Variants in UGT2B15 observed in about 807,000 individuals in gnomAD.
The protein encoded by UGT2B15 is UDP glucuronosyltransferase family 2 member B15, also known as UDP-glucuronosyltransferase 2B15.
In UGT2B15, 36 loss-of-function variants were observed where a neutral mutation model predicts 45.9. That is an observed-to-expected ratio of 0.78 (90% confidence interval 0.60 to 1.04). The LOEUF (loss-of-function observed/expected upper bound fraction) is 1.04, where lower values mean the gene tolerates loss of function less well. UGT2B15 is among the 50% of genes least tolerant of loss of function. The pLI is 0.00. For missense variants in UGT2B15, 617 were observed against 622.4 expected, an observed-to-expected ratio of 0.99 and a Z score of 0.09; for synonymous variants, 219 against 216.4, an observed-to-expected ratio of 1.01 and a Z score of -0.11.
intron 5 of UGT2B15, 115 bp downstream of exon 5, chr4:68,653,922 G>C: frequency 2.2e-6 from 3 of 1,376,446 alleles, no homozygotes; most frequent in Non-Finnish European, 3.0e-6. Flanking sequence ...TTTTACATTG[G>C]TTAAATCACT....
chr4:68,657,271 T>C (rs1205664813), intron 3 of UGT2B15, among the ~76,000 whole-genome samples: 3 of 152,108 alleles, frequency 2.0e-5, no homozygotes, highest in Non-Finnish European at 4.4e-5. Context: ...GGAGTGGCCC[T>C]GCAGGGAAAT....
chr4:68,650,991 T>C (rs1243249787), intron 5 of UGT2B15, among the ~76,000 whole-genome samples: 3 of 73,784 alleles, frequency 4.1e-5, no homozygotes, highest in Non-Finnish European at 9.1e-5. Context: ...TTTTTGATGG[T>C]GTTGTTTTTT....
intron 2 of UGT2B15, among the ~76,000 whole-genome samples, chr4:68,664,799 T>C (rs1329111441): frequency 6.6e-6 from 1 of 151,976 alleles, no homozygotes; most frequent in Non-Finnish European, 1.5e-5. Context: ...CTCCTGACCT[T>C]GTGATCCACC....
chr4:68,655,591 A>C (rs961722567), intron 3 of UGT2B15, among the ~76,000 whole-genome samples: 2 of 152,064 alleles, frequency 1.3e-5, no homozygotes, highest in Admixed American at 6.6e-5. Context: ...TCGAGAGGCT[A>C]ATCAGAAACT....
At chr4:68,664,727 T>C (rs1199082513) in intron 2 of UGT2B15, among the ~76,000 whole-genome samples, 1 of 151,952 alleles carries the variant, frequency 6.6e-6, no homozygotes, top group African/African-American at 2.4e-5. Context: ...CCACCACGCC[T>C]GGCTAATTTT....
intron 5 of UGT2B15, among the ~76,000 whole-genome samples, chr4:68,652,092 C>T (rs1732672747): frequency 6.6e-6 from 1 of 151,990 alleles, no homozygotes; most frequent in Non-Finnish European, 1.5e-5. Context: ...CCTTCACATC[C>T]CTTGTTAGGC....
In UGT2B15 at chr4:68,646,598, A is replaced by G. The variant is rs1217991245; in HGVS notation, c.*506T>C. ...ATAATAAATATCAATATAAGCCCAT[A>G]AGGTTTTATATTATTTTTATTTTTC... On this transcript the variant is annotated 3_prime_UTR_variant, in exon 6 of 6. Coordinates refer to ENST00000338206, the MANE Select transcript of UGT2B15 (RefSeq NM_001076.4). The G allele has an allele frequency of 6.6e-6, 1 of 152,638 alleles. No individual in the cohort carries two copies. The highest frequency in any genetic ancestry group is 1.5e-5 in the Non-Finnish European group (1 of 68,556). The allele number at this position is 152,638 out of a possible 1,614,324, so 9.5% of individuals were successfully genotyped here.
At chr4:68,669,217 C>A (rs181600959) in intron 1 of UGT2B15, among the ~76,000 whole-genome samples, 1 of 152,090 alleles carries the variant, frequency 6.6e-6, no homozygotes, top group Non-Finnish European at 1.5e-5. Context: ...ATGTGCTCTC[C>A]CTTAATTTGG....
At chr4:68,654,970 G>T in intron 4 of UGT2B15, 125 bp downstream of exon 4, 2 of 1,225,168 alleles carry the variant, frequency 1.6e-6, no homozygotes, top group Non-Finnish European at 2.3e-6. Flanking sequence ...ATATAAAGTA[G>T]TTAAATTTGA....
chr4:68,663,190 A>G, intron 2 of UGT2B15, 51 bp from the exon 3 acceptor site: 2 of 1,568,644 alleles, frequency 1.3e-6, no homozygotes, highest in Non-Finnish European at 1.7e-6. Flanking sequence ...CACAGAAAAC[A>G]CTATTGACAG....
chr4:68,663,188 A>G, intron 2 of UGT2B15, 49 bp from the exon 3 acceptor site: 1 of 1,568,580 alleles, frequency 6.4e-7, no homozygotes, highest in Non-Finnish European at 8.6e-7. Context: ...AGCACAGAAA[A>G]CACTATTGAC....
rs1732486753 is a variant in UGT2B15 at position 68,646,825 on chromosome 4, G to A, written c.*279C>T. 8.0e-6 allele frequency: 3 copies of A among 375,594 alleles called. No individual in the cohort carries two copies. The highest frequency in any genetic ancestry group is 1.4e-5 in the Non-Finnish European group (3 of 208,866). 23.3% of individuals were successfully genotyped at this position (375,594 alleles called of 1,614,324 possible). A position where few individuals can be genotyped will look rare whatever the true frequency, so the allele number is the denominator to read the frequency against. Reference sequence around the variant, plus strand: ...TACATATGTATACATGTGCCATGTTGGCGTGCTGCATCCAGTAACTCGTCA... The same window carrying A: ...TACATATGTATACATGTGCCATGTTAGCGTGCTGCATCCAGTAACTCGTCA... On this transcript the variant is annotated 3_prime_UTR_variant, in exon 6 of 6. Transcript: ENST00000338206.
At chr4:68,664,415 C>T (rs1404178394) in intron 2 of UGT2B15, among the ~76,000 whole-genome samples, 1 of 151,912 alleles carries the variant, frequency 6.6e-6, no homozygotes, top group East Asian at 1.9e-4. Context: ...AATGACCAAC[C>T]CCTTCTGTCA....
intron 2 of UGT2B15, 97 bp downstream of exon 2, chr4:68,667,943 T>C: frequency 6.5e-7 from 1 of 1,533,420 alleles, no homozygotes; most frequent in East Asian, 2.3e-5. Flanking sequence ...TGACCTCCCA[T>C]ATTCCCCTCA....
chr4:68,668,067 G>T lies in UGT2B15; in HGVS notation c.846C>A (p.His282Gln), dbSNP rs144685938. Residue 282 changes from histidine to glutamine, a missense_variant, in exon 2 of 6, where the codon CAC becomes CAA. This residue lies in a region of UGT2B15 where 351 missense variants were observed against 342.1 expected (regional missense o/e 1.03). Transcript: ENST00000338206. ...LPNVDFVGGL[H>Q]CKPAKPLPKE... ...TAGGCAGGGGTTTGGCTGGTTTACAGTGAAGTCCTCCAACAAAATCAACAT... is the reference window on the plus strand; with the variant it reads ...TAGGCAGGGGTTTGGCTGGTTTACATTGAAGTCCTCCAACAAAATCAACAT... The T allele has an allele frequency of 1.2e-6, 2 of 1,613,846 alleles. No homozygotes were observed. Among genetic ancestry groups the T allele is most frequent in the Non-Finnish European group, 1.7e-6 (2 of 1,179,930 alleles).
chr4:68,647,452 A>T, intron 5 of UGT2B15, 69 bp from the exon 6 acceptor site: 1 of 1,488,056 alleles, frequency 6.7e-7, no homozygotes, highest in South Asian at 1.4e-5. Context: ...AAGTCTATGG[A>T]TGGTCTTTGA....
chr4:68,653,469 T>A (rs1184208090), intron 5 of UGT2B15, among the ~76,000 whole-genome samples: 2 of 152,044 alleles, frequency 1.3e-5, no homozygotes, highest in Non-Finnish European at 2.9e-5. Flanking sequence ...GATGGTATTT[T>A]TCTAGGACTA....
intron 2 of UGT2B15, among the ~76,000 whole-genome samples, chr4:68,665,936 A>C (rs1733105799): frequency 6.6e-6 from 1 of 151,966 alleles, no homozygotes; most frequent in African/African-American, 2.4e-5. Context: ...AATCCCAGCT[A>C]CTCGGGAGGC....
intron 1 of UGT2B15, among the ~76,000 whole-genome samples, chr4:68,669,227 G>A (rs1164558433): frequency 2.6e-5 from 4 of 151,932 alleles, no homozygotes; most frequent in African/African-American, 7.3e-5. Flanking sequence ...CCTTAATTTG[G>A]CCCCTATTTT....
Sources: allele counts gnomAD v4.1 joint callset (sites outside exome capture counted in the v4.1 genomes callset), GRCh38; gene constraint gnomAD v4.1.1; regional missense constraint gnomAD v4.1.1; transcripts MANE v1.5; gene names NCBI Gene and HGNC (gene_info 2026-07-23, HGNC 2026-07-21).